MAP4: variants seen among roughly 807,000 people sequenced by gnomAD.
MAP4 encodes microtubule associated protein 4, also known as microtubule-associated protein 4.
In MAP4, 76 loss-of-function variants were observed where a neutral mutation model predicts 170.2. The observed-to-expected ratio is 0.45, with a 90% CI of 0.37 to 0.54. MAP4 has a LOEUF of 0.54. Among genes scored for constraint, MAP4 ranks in the 20% least tolerant of loss-of-function variants. The pLI is 0.00. For synonymous variants in MAP4, 909 were observed against 994.5 expected, an observed-to-expected ratio of 0.91 and a Z score of 1.62; for missense variants, 2,506 against 2,748.0, an observed-to-expected ratio of 0.91 and a Z score of 1.97.
At chr3:48,076,336 A>T (rs1174201981) in intron 1 of MAP4, among the ~76,000 whole-genome samples, 1 of 151,264 alleles carries the variant, frequency 6.6e-6, no homozygotes, top group Non-Finnish European at 1.5e-5. Flanking sequence ...CTCTACTAAA[A>T]ATACAAAAAA....
chr3:48,026,996 T>C (rs1303375711), intron 1 of MAP4, among the ~76,000 whole-genome samples: 2 of 152,156 alleles, frequency 1.3e-5, no homozygotes, highest in African/African-American at 4.8e-5. Context: ...CCCATTACTA[T>C]GTACACATCT....
intron 2 of MAP4, among the ~76,000 whole-genome samples, chr3:47,996,699 A>G (rs1275220680): frequency 6.6e-6 from 1 of 151,112 alleles, no homozygotes; most frequent in Non-Finnish European, 1.5e-5. Context: ...TCAGCCTACT[A>G]TTTTACATGT....
chr3:47,869,621 G>C (rs963299987), intron 15 of MAP4, among the ~76,000 whole-genome samples: 3 of 152,102 alleles, frequency 2.0e-5, no homozygotes. Context: ...AACCAAATTA[G>C]TGATTCTGAG....
chr3:48,047,095 A>AAAATAAAT (rs373688704), intron 1 of MAP4, among the ~76,000 whole-genome samples: 26,026 of 142,580 alleles, frequency 0.18, 2,552 homozygotes, highest in Non-Finnish European at 0.2. Context: ...CTCCGTCTCA[A>AAAATAAAT]AAATAAATAA....
At chr3:47,952,914 A>G (rs547079622) in intron 3 of MAP4, among the ~76,000 whole-genome samples, 1 of 151,862 alleles carries the variant, frequency 6.6e-6, no homozygotes. Context: ...ACAGAGCAAG[A>G]CTCCATCTCA....
intron 10 of MAP4, among the ~76,000 whole-genome samples, chr3:47,879,221 G>A (rs1212882973): frequency 6.6e-6 from 1 of 151,306 alleles, no homozygotes; most frequent in East Asian, 1.9e-4. Flanking sequence ...TGATTACTAT[G>A]CAATGGTCTC....
intron 6 of MAP4, among the ~76,000 whole-genome samples, chr3:47,917,713 G>T (rs1310001375): frequency 1.3e-5 from 2 of 152,076 alleles, no homozygotes; most frequent in African/African-American, 4.8e-5. Context: ...GAGGAGAAAT[G>T]GCAAAGAAGA....
chr3:48,067,800 C>T (rs191681297), intron 1 of MAP4, among the ~76,000 whole-genome samples: 21 of 152,044 alleles, frequency 1.4e-4, no homozygotes, highest in African/African-American at 4.1e-4. Flanking sequence ...CCACCATGGC[C>T]GGCTGATTTC....
chr3:48,085,466 T>C (rs534416777), intron 1 of MAP4, among the ~76,000 whole-genome samples: 5 of 152,308 alleles, frequency 3.3e-5, no homozygotes, highest in African/African-American at 9.6e-5. Flanking sequence ...ATTTGTAAAT[T>C]TGAAAATTTT....
At chr3:47,891,903 C>G (rs2100024232) in intron 10 of MAP4, 1 of 1,535,982 alleles carries the variant, frequency 6.5e-7, no homozygotes, top group African/African-American at 1.4e-5. Context: ...TCCCTTGAGC[C>G]CAGAGAGCCT....
chr3:47,860,990 G>A (rs555610766), intron 17 of MAP4, among the ~76,000 whole-genome samples: 1 of 152,190 alleles, frequency 6.6e-6, no homozygotes, highest in Non-Finnish European at 1.5e-5. Context: ...TGGGAGGGCT[G>A]ACGCGGGTGG....
chr3:48,049,171 G>T (rs1361967023), intron 1 of MAP4, among the ~76,000 whole-genome samples: 1 of 152,166 alleles, frequency 6.6e-6, no homozygotes, highest in Non-Finnish European at 1.5e-5. Context: ...CTTTACACTT[G>T]TTGACACAAC....
intron 1 of MAP4, among the ~76,000 whole-genome samples, chr3:48,043,772 A>C (rs1354889263): frequency 6.6e-6 from 1 of 152,212 alleles, no homozygotes; most frequent in Non-Finnish European, 1.5e-5. Flanking sequence ...CAAAACCGTA[A>C]AAGTAAGAAT....
At chr3:47,906,287 C>T (rs1435009364) in intron 9 of MAP4, among the ~76,000 whole-genome samples, 1 of 152,068 alleles carries the variant, frequency 6.6e-6, no homozygotes, top group Non-Finnish European at 1.5e-5. Flanking sequence ...TTTTATTACA[C>T]AGACGCACAC....
intron 1 of MAP4, among the ~76,000 whole-genome samples, chr3:47,999,713 G>A (rs1206078912): frequency 3.3e-5 from 5 of 152,112 alleles, no homozygotes; most frequent in Admixed American, 2.6e-4. Flanking sequence ...AGGGTGGGAG[G>A]AGGGAAAGGA....
At chr3:47,883,007 C>T (rs145308436) in intron 10 of MAP4, among the ~76,000 whole-genome samples, 132 of 152,000 alleles carry the variant, frequency 8.7e-4, no homozygotes, top group African/African-American at 2.9e-3. Flanking sequence ...GATGGGGTTT[C>T]GTCATGTTGC....
intron 18 of MAP4, among the ~76,000 whole-genome samples, chr3:47,856,118 G>A (rs558708906): frequency 4.3e-4 from 65 of 152,254 alleles, no homozygotes; most frequent in African/African-American, 1.4e-3. Flanking sequence ...GGTGCGGGAC[G>A]AGCTGCCCTC....
At chr3:47,951,351 CCCACGGTCTCCCTCTCCCTCTCTTT>C (rs963384221) in intron 3 of MAP4, among the ~76,000 whole-genome samples, 22 of 152,118 alleles carry the variant, frequency 1.4e-4, no homozygotes, top group East Asian at 3.9e-4. Flanking sequence ...TCTCCCTCTC[CCCACGGTCTCCCTCTCCCTCTCTTT>C]CCACGGTCTC....
At chr3:47,919,607 C>T (rs2100041699) in intron 5 of MAP4, among the ~76,000 whole-genome samples, 2 of 152,158 alleles carry the variant, frequency 1.3e-5, no homozygotes, top group South Asian at 2.1e-4. Flanking sequence ...CGCGCCCGGC[C>T]GACAACGCAA....
Sources: gnomAD v4.1 joint callset for allele counts (sites outside exome capture counted in the v4.1 genomes callset) on GRCh38, gnomAD v4.1.1 for gene constraint, MANE v1.5 for transcripts, NCBI Gene and HGNC (gene_info 2026-07-23, HGNC 2026-07-21) for gene names.